CHSY3: variants seen among roughly 807,000 people sequenced by gnomAD.
CHSY3 encodes chondroitin sulfate synthase 3, also known as N-acetylgalactosaminyl-proteoglycan 3-beta-glucuronosyltransferase 3.
A neutral mutation model predicts 67.2 loss-of-function variants in CHSY3; 35 were observed. The ratio of observed to expected loss-of-function variants is 0.52; its 90% CI spans 0.40 to 0.69. The LOEUF (loss-of-function observed/expected upper bound fraction) is 0.69. CHSY3 is among the 30% of genes least tolerant of loss of function. CHSY3 has a pLI of 0.00. For synonymous variants in CHSY3, 474 were observed against 434.7 expected, an observed-to-expected ratio of 1.09 and a Z score of -1.12; for missense variants, 1,069 against 1,138.5, an observed-to-expected ratio of 0.94 and a Z score of 0.88.
intron 2 of CHSY3, among the ~76,000 whole-genome samples, chr5:129,949,961 C>T (rs1302340666): frequency 6.6e-6 from 1 of 151,906 alleles, no homozygotes; most frequent in Non-Finnish European, 1.5e-5. Context: ...GTCAGGAGAT[C>T]GAGACCATCC....
chr5:129,944,007 G>A (rs1337093786), intron 2 of CHSY3, among the ~76,000 whole-genome samples: 1 of 152,208 alleles, frequency 6.6e-6, no homozygotes, highest in Non-Finnish European at 1.5e-5. Flanking sequence ...TGTAATGGCA[G>A]CTCTTTTATG....
chr5:130,152,607 T>C (rs1010404507), intron 2 of CHSY3, among the ~76,000 whole-genome samples: 2 of 152,200 alleles, frequency 1.3e-5, no homozygotes, highest in East Asian at 3.8e-4. Context: ...AAATAAATAA[T>C]TAAAATTCAC....
intron 2 of CHSY3, among the ~76,000 whole-genome samples, chr5:130,088,624 C>T (rs893717501): frequency 1.3e-5 from 2 of 152,118 alleles, no homozygotes; most frequent in African/African-American, 4.8e-5. Flanking sequence ...TGAAAAAATG[C>T]TCACCATCAC....
At chr5:130,041,269 T>TC (rs1403944537) in intron 2 of CHSY3, among the ~76,000 whole-genome samples, 1 of 152,036 alleles carries the variant, frequency 6.6e-6, no homozygotes, top group African/African-American at 2.4e-5. Flanking sequence ...CATCCATTTC[T>TC]CCCCAAGCAA....
At chr5:129,974,652 G>T (rs887804123) in intron 2 of CHSY3, among the ~76,000 whole-genome samples, 1 of 152,104 alleles carries the variant, frequency 6.6e-6, no homozygotes, top group Non-Finnish European at 1.5e-5. Context: ...GTAAGGGCTG[G>T]TGCAGAGAAT....
chr5:129,956,057 G>A (rs934058985), intron 2 of CHSY3, among the ~76,000 whole-genome samples: 3 of 152,082 alleles, frequency 2.0e-5, no homozygotes, highest in African/African-American at 7.2e-5. Flanking sequence ...TCAGTAATGG[G>A]ATTGCTGGGT....
In CHSY3 at chr5:130,140,368, C is replaced by T. The variant is rs112182439; in HGVS notation, c.1087-43861C>T. 7.9e-3 allele frequency: 4,899 copies of T among 616,710 alleles called. 183 individuals are homozygous for T. The African/African-American group carries it at 0.081, about 10-fold the overall frequency. The allele number at this position is 616,710 out of a possible 1,614,324, so 38.2% of individuals were successfully genotyped here. A position where few individuals can be genotyped will look rare whatever the true frequency, so the allele number is the denominator to read the frequency against. ...CAAGGGAGAGACAAAAAGCTTCTAT[C>T]CAGAGGAAGTGTTTTTTATGGTTCT... On this transcript the variant is annotated intron_variant, in intron 2 of 2. Transcript: ENST00000305031.
At chr5:130,115,471 A>G (rs1767762717) in intron 2 of CHSY3, among the ~76,000 whole-genome samples, 1 of 152,180 alleles carries the variant, frequency 6.6e-6, no homozygotes, top group Admixed American at 6.5e-5. Context: ...TACCATAGCT[A>G]GAACTCCCAT....
intron 2 of CHSY3, among the ~76,000 whole-genome samples, chr5:130,016,286 A>T (rs180853124): frequency 2.3e-3 from 343 of 152,386 alleles, no homozygotes; most frequent in Admixed American, 5.4e-3. Flanking sequence ...ATAATTGGGG[A>T]TATAAGGCTA....
intron 2 of CHSY3, among the ~76,000 whole-genome samples, chr5:129,921,095 T>C (rs1186637569): frequency 2.0e-5 from 3 of 152,212 alleles, no homozygotes; most frequent in Admixed American, 6.5e-5. Flanking sequence ...GTTAAGATTA[T>C]AGGCGTGAAC....
chr5:129,994,562 A>C (rs1222082260), intron 2 of CHSY3, among the ~76,000 whole-genome samples: 1 of 152,036 alleles, frequency 6.6e-6, no homozygotes. Flanking sequence ...TTCATACCGG[A>C]TTATAAATCA....
chr5:130,109,007 AG>A (rs1767507176), intron 2 of CHSY3, among the ~76,000 whole-genome samples: 1 of 151,730 alleles, frequency 6.6e-6, no homozygotes, highest in Admixed American at 6.6e-5. Context: ...GAAGCCCTCA[AG>A]TTTCTTAAAC....
At chr5:130,182,024 C>A (rs1314172539) in intron 2 of CHSY3, among the ~76,000 whole-genome samples, 1 of 151,526 alleles carries the variant, frequency 6.6e-6, no homozygotes, top group Non-Finnish European at 1.5e-5. Context: ...TTCTATTGGG[C>A]ATATATCTAA....
chr5:129,962,754 T>A (rs935479563), intron 2 of CHSY3, among the ~76,000 whole-genome samples: 12 of 151,986 alleles, frequency 7.9e-5, no homozygotes, highest in Admixed American at 5.3e-4. Flanking sequence ...TCTGGCTTTT[T>A]TTGTACATAT....
chr5:130,099,687 G>C (rs1767165433), intron 2 of CHSY3, among the ~76,000 whole-genome samples: 1 of 152,086 alleles, frequency 6.6e-6, no homozygotes, highest in Non-Finnish European at 1.5e-5. Context: ...AATTGCATTT[G>C]TGAATACTCT....
chr5:129,930,505 T>TGG lies in CHSY3; in HGVS notation c.1086+22146_1086+22147dup, dbSNP rs767039886. Among the ~76,000 whole-genome samples, 50 of 75,292 alleles carry TGG rather than the reference T, an allele frequency of 6.6e-4. 1 individual carries two copies. The highest frequency in any genetic ancestry group is 1.3e-3 in the African/African-American group (24 of 17,786). The allele number at this position is 75,292 out of a possible 152,430, so 49.4% of individuals were successfully genotyped here. On this transcript the variant is annotated intron_variant, in intron 2 of 2. Transcript: ENST00000305031. ...ATAGATGTTTAAAAGGAGGCATCACTGGCGGGGGGGGGGTATGAAGTTTTG... is the reference window on the plus strand; with the variant it reads ...ATAGATGTTTAAAAGGAGGCATCACTGGGGCGGGGGGGGGGTATGAAGTTTTG...
chr5:130,033,730 T>C (rs1007017001), intron 2 of CHSY3, among the ~76,000 whole-genome samples: 6 of 152,068 alleles, frequency 3.9e-5, no homozygotes, highest in Non-Finnish European at 8.8e-5. Flanking sequence ...AAACATGGGG[T>C]AGACTTTTTA....
chr5:129,905,111 G>C lies in CHSY3; in HGVS notation c.282G>C (p.Gly94=). 6.5e-7 allele frequency: 1 copy of C among 1,540,134 alleles called. No homozygotes were observed. The highest frequency in any genetic ancestry group is 8.7e-7 in the Non-Finnish European group (1 of 1,149,078). ...QGPPLPEAAP[G]ITSFRSSPWQ... Reference sequence around the variant, plus strand: ...CACCGCTGCCCGAGGCAGCACCCGGGATCACCAGTTTTCGAAGCAGCCCCT... The same window carrying C: ...CACCGCTGCCCGAGGCAGCACCCGGCATCACCAGTTTTCGAAGCAGCCCCT... Residue 94 remains glycine (G), a synonymous_variant, in exon 1 of 3, where the codon GGG becomes GGC. Coordinates refer to ENST00000305031, the MANE Select transcript of CHSY3 (RefSeq NM_175856.5).
At chr5:129,943,246 A>G (rs749558477) in intron 2 of CHSY3, among the ~76,000 whole-genome samples, 16 of 152,190 alleles carry the variant, frequency 1.1e-4, no homozygotes, top group Non-Finnish European at 2.4e-4. Flanking sequence ...AATATCATCA[A>G]TGCATACTGT....
Sources: gnomAD v4.1 joint callset for allele counts (sites outside exome capture counted in the v4.1 genomes callset) on GRCh38, gnomAD v4.1.1 for gene constraint, MANE v1.5 for transcripts, NCBI Gene and HGNC (gene_info 2026-07-23, HGNC 2026-07-21) for gene names.